The following GOLPH3L variants were observed in gnomAD, a reference collection of about 807,000 sequenced individuals.
GOLPH3L encodes the protein golgi phosphoprotein 3 like.
GOLPH3L carries 22 observed loss-of-function variants against 30.3 expected under a neutral mutation model. The observed-to-expected ratio is 0.73, with a 90% CI of 0.52 to 1.04. The LOEUF is 1.04. Ranked by LOEUF, GOLPH3L falls within the 50% of genes least tolerant of loss-of-function variation. The probability of loss-of-function intolerance (pLI) is 0.00; values close to 1 mark genes in which losing one functional copy is unlikely to be tolerated. For synonymous variants in GOLPH3L, 120 were observed against 128.2 expected, an observed-to-expected ratio of 0.94 and a Z score of 0.43; for missense variants, 303 against 345.8, an observed-to-expected ratio of 0.88 and a Z score of 0.98.
At chr1:150,659,193 C>T (rs1350847209) in intron 4 of GOLPH3L, among the ~76,000 whole-genome samples, 1 of 152,206 alleles carries the variant, frequency 6.6e-6, no homozygotes. Flanking sequence ...GCTGCCTTTG[C>T]TTTTATTGCT....
intron 2 of GOLPH3L, among the ~76,000 whole-genome samples, chr1:150,690,025 C>A (rs1235461801): frequency 6.6e-6 from 1 of 151,936 alleles, no homozygotes; most frequent in African/African-American, 2.4e-5. Context: ...CTCACTCTGT[C>A]ACCCAGGTTG....
chr1:150,681,882 C>G (rs975567121), intron 2 of GOLPH3L, among the ~76,000 whole-genome samples: 1 of 151,886 alleles, frequency 6.6e-6, no homozygotes, highest in Non-Finnish European at 1.5e-5. Context: ...GCCTGGCCAA[C>G]GTGGCAAAGC....
rs587607835 is a variant in GOLPH3L, at chr1:150,663,558, T to G, written c.315+74A>C. 337 of 1,369,932 alleles carry G rather than the reference T, an allele frequency of 2.5e-4. 1 individual carries two copies. The African/African-American group carries it at 4.4e-3, about 18-fold the overall frequency. The allele number at this position is 1,369,932 out of a possible 1,614,324, so 84.9% of individuals were successfully genotyped here. On this transcript the variant is annotated intron_variant, in intron 3 of 4. Coordinates refer to ENST00000271732, the MANE Select transcript of GOLPH3L (RefSeq NM_018178.6). Reference sequence around the variant, plus strand: ...TTTATTTTATCTTACTACTCAAATCTTTCTATTCTTCCCAAATGTACTGTT... The same window carrying G: ...TTTATTTTATCTTACTACTCAAATCGTTCTATTCTTCCCAAATGTACTGTT...
intron 2 of GOLPH3L, among the ~76,000 whole-genome samples, chr1:150,679,289 G>A (rs951783822): frequency 1.3e-5 from 2 of 152,130 alleles, no homozygotes; most frequent in Non-Finnish European, 2.9e-5. Context: ...CCCAAATAGC[G>A]AAGTACAGAA....
intron 2 of GOLPH3L, among the ~76,000 whole-genome samples, chr1:150,671,270 T>C (rs1650637813): frequency 6.6e-6 from 1 of 151,750 alleles, no homozygotes; most frequent in Non-Finnish European, 1.5e-5. Context: ...TAAAGACGTA[T>C]TCATTTGTGT....
chr1:150,652,889 G>A (rs1650157031), intron 4 of GOLPH3L, among the ~76,000 whole-genome samples: 1 of 151,980 alleles, frequency 6.6e-6, no homozygotes, highest in Admixed American at 6.6e-5. Context: ...GGTAAATAAG[G>A]AGGTTAATAT....
chr1:150,650,600 A>G (rs912183878), intron 4 of GOLPH3L, among the ~76,000 whole-genome samples: 1 of 152,148 alleles, frequency 6.6e-6, no homozygotes, highest in Admixed American at 6.5e-5. Flanking sequence ...TGTGAACCCT[A>G]TTGTGAACTG....
At chr1:150,651,642 C>CAAAAAAAAAAAAAAAAAAAAAAGAA (rs1650108026) in intron 4 of GOLPH3L, among the ~76,000 whole-genome samples, 1 of 60,852 alleles carries the variant, frequency 1.6e-5, no homozygotes, top group African/African-American at 7.2e-5. Context: ...GAGCGAAACT[C>CAAAAAAAAAAAAAAAAAAAAAAGAA]AAAAAAAAAA....
At position 150,682,765 on chromosome 1, in the gene GOLPH3L, C is replaced by T. The variant is rs144463667; in HGVS notation, c.183+11891G>A. Among the ~76,000 whole-genome samples, 661 of 149,174 alleles carry T rather than the reference C, an allele frequency of 4.4e-3. 4 individuals carry two copies. Among genetic ancestry groups the T allele is most frequent in the African/African-American group, 0.015 (598 of 40,606 alleles). On this transcript the variant is annotated intron_variant, in intron 2 of 4. Coordinates refer to ENST00000271732, the MANE Select transcript of GOLPH3L (RefSeq NM_018178.6). ...ATCTTAGACAAATTTTAAAAACTAA[C>T]TAAAAAAGAAAACAAATAAAAAAGA...
At chr1:150,664,871 T>C (rs587627246) in intron 2 of GOLPH3L, among the ~76,000 whole-genome samples, 1 of 152,282 alleles carries the variant, frequency 6.6e-6, no homozygotes, top group East Asian at 1.9e-4. Context: ...GACACCAATA[T>C]ATATTTTCAT....
chr1:150,660,239 C>T (rs1158485239), intron 4 of GOLPH3L, among the ~76,000 whole-genome samples: 1 of 151,610 alleles, frequency 6.6e-6, no homozygotes, highest in East Asian at 1.9e-4. Context: ...ACATTTTAGG[C>T]CTACTCGGAT....
intron 4 of GOLPH3L, among the ~76,000 whole-genome samples, chr1:150,654,513 A>T (rs1245593084): frequency 6.6e-6 from 1 of 151,056 alleles, no homozygotes; most frequent in Non-Finnish European, 1.5e-5. Flanking sequence ...CGTTTAAAAA[A>T]AAAAAACAAA....
chr1:150,655,551 T>C (rs1415645318), intron 4 of GOLPH3L, among the ~76,000 whole-genome samples: 1 of 152,204 alleles, frequency 6.6e-6, no homozygotes, highest in South Asian at 2.1e-4. Context: ...ACAAAGTTCC[T>C]GCCAAGGTTT....
chr1:150,695,367 C>T (rs983226846), intron 1 of GOLPH3L, among the ~76,000 whole-genome samples: 2 of 152,104 alleles, frequency 1.3e-5, no homozygotes, highest in South Asian at 4.1e-4. Flanking sequence ...GAACTCCTGA[C>T]CTCAAGTGAT....
chr1:150,662,063 C>G, intron 3 of GOLPH3L, 135 bp from the exon 4 acceptor site: 2 of 605,206 alleles, frequency 3.3e-6, no homozygotes, highest in Non-Finnish European at 5.9e-6. Context: ...TCTCTGTCCT[C>G]AAGAAGTTTA....
chr1:150,665,243 G>A (rs867813211), intron 2 of GOLPH3L, among the ~76,000 whole-genome samples: 9 of 152,102 alleles, frequency 5.9e-5, no homozygotes, highest in African/African-American at 1.7e-4. Context: ...CAGAGGTCAC[G>A]AAGCTAAATA....
At chr1:150,673,926 CAAAA>C (rs71086590) in intron 2 of GOLPH3L, among the ~76,000 whole-genome samples, 3 of 98,612 alleles carry the variant, frequency 3.0e-5, no homozygotes, top group Admixed American at 1.1e-4. Flanking sequence ...CTCCCATCTC[CAAAA>C]AAAAAAAAAA....
At chr1:150,684,548 TATA>T (rs1651038783) in intron 2 of GOLPH3L, among the ~76,000 whole-genome samples, 1 of 152,188 alleles carries the variant, frequency 6.6e-6, no homozygotes, top group Non-Finnish European at 1.5e-5. Context: ...CTCTTTTTAG[TATA>T]ATAGTGTCTC....
intron 4 of GOLPH3L, 137 bp downstream of exon 4, chr1:150,661,677 G>A (rs1388267919): frequency 5.3e-6 from 3 of 569,628 alleles, no homozygotes; most frequent in East Asian, 2.8e-5. Context: ...TGCTTTTTCT[G>A]TCCCTCATTA....
Sources: gnomAD v4.1 joint callset for allele counts (sites outside exome capture counted in the v4.1 genomes callset) on GRCh38, gnomAD v4.1.1 for gene constraint, MANE v1.5 for transcripts, NCBI Gene and HGNC (gene_info 2026-07-23, HGNC 2026-07-21) for gene names.